The following DACH1 variants were observed in gnomAD, a reference collection of about 807,000 sequenced individuals.
The protein encoded by DACH1 is dachshund homolog 1.
In DACH1, 12 loss-of-function variants were observed where a neutral mutation model predicts 54.2. The observed-to-expected ratio is 0.22, with a 90% CI of 0.14 to 0.36. The LOEUF (loss-of-function observed/expected upper bound fraction) is 0.36, where lower values mean the gene tolerates loss of function less well. DACH1 is among the 10% of genes least tolerant of loss of function. The pLI, the probability that DACH1 is intolerant of heterozygous loss-of-function variation, is 1.00. For synonymous variants in DACH1, 386 were observed against 366.2 expected (o/e 1.05, Z -0.62); for missense variants, 805 against 929.8 (o/e 0.87, Z 1.75).
At chr13:71,483,997 T>A (rs1297177995) in intron 7 of DACH1, among the ~76,000 whole-genome samples, 2 of 152,168 alleles carry the variant, frequency 1.3e-5, no homozygotes, top group Admixed American at 1.3e-4. Context: ...TCAGAATGTA[T>A]CCCCAGCATT....
intron 1 of DACH1, among the ~76,000 whole-genome samples, chr13:71,796,371 TA>T (rs1299518705): frequency 2.0e-5 from 3 of 152,118 alleles, no homozygotes; most frequent in African/African-American, 7.2e-5. Context: ...ATAGCTATTA[TA>T]AAAATCTTAC....
chr13:71,452,452 T>TA (rs1025291199), intron 10 of DACH1, among the ~76,000 whole-genome samples: 10 of 151,948 alleles, frequency 6.6e-5, no homozygotes, highest in African/African-American at 9.7e-5. Context: ...AAACACAAAT[T>TA]AAAAAAAATT....
In DACH1 at chr13:71,442,689, G is replaced by GT. The variant is rs1304296868; in HGVS notation, c.2084-1998dup. Reference sequence around the variant, plus strand: ...TAGTACCAAACCCTATGTATACTATGTTTTTTTTTGTATACATACATACCT... The same window carrying GT: ...TAGTACCAAACCCTATGTATACTATGTTTTTTTTTTGTATACATACATACCT... On this transcript the variant is annotated intron_variant, in intron 10 of 10. Coordinates refer to ENST00000613252, the MANE Select transcript of DACH1 (RefSeq NM_080759.6). 3.3e-3 allele frequency among the ~76,000 whole-genome samples: 493 copies of GT among 150,902 alleles called. 4 individuals carry two copies. The highest frequency in any genetic ancestry group is 0.011 in the African/African-American group (465 of 41,152).
intron 10 of DACH1, among the ~76,000 whole-genome samples, chr13:71,458,918 A>G (rs1875824032): frequency 2.0e-5 from 3 of 151,826 alleles, no homozygotes; most frequent in Admixed American, 2.0e-4. Flanking sequence ...ATTATAAGTG[A>G]ATTAGAAAGG....
At chr13:71,619,715 T>C (rs1212764654) in intron 3 of DACH1, among the ~76,000 whole-genome samples, 1 of 151,960 alleles carries the variant, frequency 6.6e-6, no homozygotes. Context: ...TCTTGGAAGC[T>C]GAAATGTAGG....
At chr13:71,705,182 T>C (rs1566445730) in intron 1 of DACH1, among the ~76,000 whole-genome samples, 2 of 152,196 alleles carry the variant, frequency 1.3e-5, no homozygotes, top group Non-Finnish European at 1.5e-5. Flanking sequence ...AACAGCTAAG[T>C]ACAGAGTGAA....
At chr13:71,624,383 G>A (rs1446021341) in intron 3 of DACH1, among the ~76,000 whole-genome samples, 1 of 151,860 alleles carries the variant, frequency 6.6e-6, no homozygotes, top group East Asian at 1.9e-4. Context: ...AAGCTACAGA[G>A]AGCAAATTCA....
At chr13:71,828,963 T>G (rs2138201539) in intron 1 of DACH1, among the ~76,000 whole-genome samples, 1 of 152,126 alleles carries the variant, frequency 6.6e-6, no homozygotes, top group South Asian at 2.1e-4. Flanking sequence ...TTCACTTAAA[T>G]CCTGTTATCT....
At chr13:71,584,434 T>C (rs746055142) in intron 3 of DACH1, among the ~76,000 whole-genome samples, 13 of 152,294 alleles carry the variant, frequency 8.5e-5, no homozygotes, top group Admixed American at 2.6e-4. Flanking sequence ...AATTGTGTTA[T>C]GGACATACCA....
intron 1 of DACH1, among the ~76,000 whole-genome samples, chr13:71,807,679 C>G (rs1227492958): frequency 6.6e-6 from 1 of 152,022 alleles, no homozygotes; most frequent in Admixed American, 6.6e-5. Context: ...TACATCACAT[C>G]GATGTTAATA....
chr13:71,584,840 C>A (rs998789613), intron 3 of DACH1, among the ~76,000 whole-genome samples: 1 of 151,868 alleles, frequency 6.6e-6, no homozygotes, highest in African/African-American at 2.4e-5. Flanking sequence ...GGCAAGACAA[C>A]AGAAACGATC....
intron 2 of DACH1, among the ~76,000 whole-genome samples, chr13:71,646,440 T>TA (rs1668576587): frequency 6.6e-6 from 1 of 152,088 alleles, no homozygotes; most frequent in South Asian, 2.1e-4. Flanking sequence ...CAAAAGTTAC[T>TA]AATAAGGAAA....
intron 1 of DACH1, among the ~76,000 whole-genome samples, chr13:71,852,627 C>T (rs539343621): frequency 1.3e-5 from 2 of 152,154 alleles, no homozygotes; most frequent in Admixed American, 6.6e-5. Flanking sequence ...TAGCGATGCT[C>T]TCTTTGAATG....
At chr13:71,810,691 A>G (rs1387496091) in intron 1 of DACH1, among the ~76,000 whole-genome samples, 1 of 152,200 alleles carries the variant, frequency 6.6e-6, no homozygotes, top group Admixed American at 6.5e-5. Flanking sequence ...ATGATATCTA[A>G]AAGCTCATAT....
At chr13:71,733,045 C>T (rs538900421) in intron 1 of DACH1, among the ~76,000 whole-genome samples, 1 of 152,196 alleles carries the variant, frequency 6.6e-6, no homozygotes, top group Non-Finnish European at 1.5e-5. Flanking sequence ...ACAACCAAAC[C>T]CTAACCATAT....
intron 4 of DACH1, among the ~76,000 whole-genome samples, chr13:71,560,240 A>C (rs1238129055): frequency 6.6e-6 from 1 of 152,174 alleles, no homozygotes; most frequent in Admixed American, 6.5e-5. Flanking sequence ...GACGCCCAAA[A>C]ATAAACAAAT....
At chr13:71,704,383 G>A in intron 1 of DACH1, 1 of 423,208 alleles carries the variant, frequency 2.4e-6, no homozygotes, top group South Asian at 2.1e-5. Context: ...ATGTTCCCCA[G>A]CATGCTGTTG....
At chr13:71,855,965 C>T (rs1873974966) in intron 1 of DACH1, among the ~76,000 whole-genome samples, 1 of 151,752 alleles carries the variant, frequency 6.6e-6, no homozygotes, top group East Asian at 1.9e-4. Context: ...AGGATATATA[C>T]ATAAAGAGAA....
intron 2 of DACH1, among the ~76,000 whole-genome samples, chr13:71,676,222 A>G (rs762410315): frequency 2.0e-5 from 3 of 149,398 alleles, no homozygotes; most frequent in Non-Finnish European, 3.0e-5. Context: ...ACAAGGCACA[A>G]TTTTTTTTTT....
Sources: gnomAD v4.1 joint callset for allele counts (sites outside exome capture counted in the v4.1 genomes callset) on GRCh38, gnomAD v4.1.1 for gene constraint, MANE v1.5 for transcripts, NCBI Gene and HGNC (gene_info 2026-07-23, HGNC 2026-07-21) for gene names.